COQ6: variants seen among roughly 807,000 people sequenced by gnomAD.
COQ6 encodes ubiquinone biosynthesis monooxygenase COQ6, mitochondrial.
Under a neutral mutation model 55.5 loss-of-function variants are expected in COQ6, and 45 were observed. That is an observed-to-expected ratio of 0.81 (90% CI 0.64 to 1.04). The LOEUF (loss-of-function observed/expected upper bound fraction) is 1.04, where lower values mean the gene tolerates loss of function less well. COQ6 is among the 50% of genes least tolerant of loss of function. The pLI is 0.00. For missense variants in COQ6, 550 were observed against 601.3 expected (o/e 0.91, Z 0.89); for synonymous variants, 206 against 230.5 (o/e 0.89, Z 0.96).
chr14:73,954,582 G>A (rs1026456601), intron 2 of COQ6, among the ~76,000 whole-genome samples: 1 of 152,094 alleles, frequency 6.6e-6, no homozygotes, highest in African/African-American at 2.4e-5. Flanking sequence ...GGTGGCTCAC[G>A]CCTGTAATCT....
intron 8 of COQ6, chr14:73,959,835 G>T: frequency 7.6e-7 from 1 of 1,308,386 alleles, no homozygotes; most frequent in Non-Finnish European, 9.8e-7. Context: ...CTCCCAAAGT[G>T]CTGGGATTAC....
At chr14:73,950,076 C>T (rs1178939131), upstream of COQ6, 30 of 1,604,750 alleles carry the variant, frequency 1.9e-5, no homozygotes, top group Non-Finnish European at 2.5e-5. Context: ...GTGGCAGCAG[C>T]GGTGGCAGCG....
At chr14:73,950,674 A>T in intron 1 of COQ6, 179 bp downstream of exon 1, 2 of 944,104 alleles carry the variant, frequency 2.1e-6, no homozygotes, top group South Asian at 1.7e-5. Flanking sequence ...TTCAGGGTCC[A>T]TTAGGGTCAA....
rs1566684482 is a variant in COQ6, at chr14:73,955,431, A to G, written c.299-20A>G. 4.3e-6 allele frequency: 7 copies of G among 1,610,592 alleles called. No homozygotes were observed. Among genetic ancestry groups the G allele is most frequent in the Admixed American group, 1.7e-5 (1 of 60,026 alleles). On this transcript the variant is annotated intron_variant, in intron 2 of 11. Transcript: ENST00000334571. ...GGTCCTTGTGAAGTCACTCTGGTCTATAGATCCTTTCTTTTGTAGGTTTTG... is the reference window on the plus strand; with the variant it reads ...GGTCCTTGTGAAGTCACTCTGGTCTGTAGATCCTTTCTTTTGTAGGTTTTG...
rs1404492143 is a variant in COQ6 at position 73,955,867 on chromosome 14, C to T, written c.420C>T (p.Gly140=). ...MFDKDNLDDM[G]YIVENDVIMH... ...ATAAGGATAATTTAGATGACATGGG[C>T]TATATCGTGGAGAATGATGTCATCA... Residue 140 remains glycine, a synonymous_variant, in exon 4 of 12, where the codon GGC becomes GGT. Coordinates refer to ENST00000334571, the MANE Select transcript of COQ6 (RefSeq NM_182476.3). 3.7e-6 allele frequency: 6 copies of T among 1,614,048 alleles called. No homozygotes were observed. The highest frequency in any genetic ancestry group is 2.5e-6 in the Non-Finnish European group (3 of 1,179,952).
At chr14:73,955,367 C>T in intron 2 of COQ6, 84 bp from the exon 3 acceptor site, 2 of 982,718 alleles carry the variant, frequency 2.0e-6, no homozygotes, top group Non-Finnish European at 3.3e-6. Flanking sequence ...CTGAAAACAA[C>T]CTCTTACGTA....
intron 10 of COQ6, 61 bp downstream of exon 10, chr14:73,961,631 C>A: frequency 1.2e-6 from 2 of 1,601,062 alleles, no homozygotes; most frequent in Non-Finnish European, 1.7e-6. Context: ...AAGATCAGGG[C>A]CCACAGTAGC....
At chr14:73,962,940 G>C in intron 11 of COQ6, 30 bp from the exon 12 acceptor site, 1 of 1,555,174 alleles carries the variant, frequency 6.4e-7, no homozygotes, top group Admixed American at 1.7e-5. Flanking sequence ...ACTGTGTTAA[G>C]AGTTTCATTC....
At chr14:73,959,643 C>T (rs2056617784) in intron 8 of COQ6, 121 bp downstream of exon 8, 6 of 1,540,008 alleles carry the variant, frequency 3.9e-6, no homozygotes, top group Non-Finnish European at 4.4e-6. Context: ...TCTTGGCTCA[C>T]TGTGCAATCT....
At position 73,955,832 on chromosome 14, in the gene COQ6, AT is replaced by A; in HGVS notation, c.386del (p.Ile129LysfsTer8). On this transcript the variant is annotated frameshift_variant, in exon 4 of 12. Transcript: ENST00000334571. LOFTEE classifies it high-confidence loss of function. ...QVWDACSEAL[I>X]MFDKDNLDDM... ...GTGGGACGCCTGCTCAGAGGCCCTG[AT>A]AATGTTTGATAAGGATAATTTAGAT... 6.2e-7 allele frequency: 1 copy of A among 1,614,076 alleles called. No individual in the cohort carries two copies. Among genetic ancestry groups the A allele is most frequent in the South Asian group, 1.1e-5 (1 of 91,082 alleles).
chr14:73,957,108 T>C (rs1461644867), intron 4 of COQ6, among the ~76,000 whole-genome samples: 2 of 151,444 alleles, frequency 1.3e-5, no homozygotes, highest in East Asian at 3.9e-4. Flanking sequence ...ATTATTTTTT[T>C]TTTTTTGGAG....
Position 73,955,443 on chromosome 14 carries a change from T to A in COQ6, c.299-8T>A. The A allele has an allele frequency of 6.2e-7, 1 of 1,613,690 alleles. No individual in the cohort carries two copies. The highest frequency in any genetic ancestry group is 2.2e-5 in the East Asian group (1 of 44,882). On this transcript the variant is annotated splice_region_variant and splice_polypyrimidine_tract_variant and intron_variant, in intron 2 of 11. Coordinates refer to ENST00000334571, the MANE Select transcript of COQ6 (RefSeq NM_182476.3). ...GTCACTCTGGTCTATAGATCCTTTC[T>A]TTTGTAGGTTTTGGTGCCTGGGACC... is the stretch of plus-strand genomic sequence containing the variant.
chr14:73,950,609 C>T (rs1594782981), intron 1 of COQ6, 114 bp downstream of exon 1: 2 of 1,432,612 alleles, frequency 1.4e-6, no homozygotes, highest in South Asian at 2.7e-5. Context: ...TCTCGCGACG[C>T]TTCTCCCCTC....
intron 11 of COQ6, 123 bp downstream of exon 11, chr14:73,962,026 C>A: frequency 9.0e-7 from 1 of 1,108,600 alleles, no homozygotes; most frequent in Non-Finnish European, 1.3e-6. Flanking sequence ...CCACTCACTG[C>A]AGCCTCTGCC....
Position 73,955,437 on chromosome 14 carries a change from CCTTT to C in COQ6, c.299-9_299-6del, listed in dbSNP as rs1171177562. On this transcript the variant is annotated splice_polypyrimidine_tract_variant and intron_variant, in intron 2 of 11. Transcript: ENST00000334571. ...TGTGAAGTCACTCTGGTCTATAGAT[CCTTT>C]CTTTTGTAGGTTTTGGTGCCTGGGA... The C allele has an allele frequency of 1.7e-5, 27 of 1,612,586 alleles. No homozygotes were observed. The highest frequency in any genetic ancestry group is 2.1e-5 in the Non-Finnish European group (25 of 1,178,742).
chr14:73,950,129 G>T (rs111833521), upstream of COQ6: 2,863 of 1,598,948 alleles, frequency 1.8e-3, 38 homozygotes, highest in African/African-American at 0.033. Flanking sequence ...TAGCTTTGGC[G>T]TCTGGTTGGC....
chr14:73,958,937 C>G (rs1159706094), intron 5 of COQ6, 34 bp from the exon 6 acceptor site: 1 of 1,612,370 alleles, frequency 6.2e-7, no homozygotes, highest in East Asian at 2.2e-5. Context: ...TATGAAGAGG[C>G]TGGAAGACTT....
At chr14:73,957,706 G>A (rs942352868) in intron 4 of COQ6, among the ~76,000 whole-genome samples, 3 of 152,102 alleles carry the variant, frequency 2.0e-5, no homozygotes, top group South Asian at 2.1e-4. Context: ...CTAGGATTAC[G>A]AGCATGAGCC....
chr14:73,955,838 T>C lies in COQ6; in HGVS notation c.391T>C (p.Phe131Leu). 1 of 1,614,152 alleles carries C rather than the reference T, an allele frequency of 6.2e-7. No homozygotes were observed. The highest frequency in any genetic ancestry group is 8.5e-7 in the Non-Finnish European group (1 of 1,180,014). The change falls in exon 4 of 12, where the codon TTT becomes CTT. Residue 131 changes from phenylalanine to leucine, a missense_variant. By Grantham distance (22) the Phe-to-Leu change is conservative. Coordinates refer to ENST00000334571, the MANE Select transcript of COQ6 (RefSeq NM_182476.3). The part of the protein sequence containing the change: ...WDACSEALIM[F>L]DKDNLDDMGY... ...CGCCTGCTCAGAGGCCCTGATAATG[T>C]TTGATAAGGATAATTTAGATGACAT...
Sources: gnomAD v4.1 joint callset for allele counts (sites outside exome capture counted in the v4.1 genomes callset) on GRCh38, gnomAD v4.1.1 for gene constraint, MANE v1.5 for transcripts, NCBI Gene and HGNC (gene_info 2026-07-23, HGNC 2026-07-21) for gene names.